Variants in STK36 observed in about 807,000 individuals in gnomAD.
STK36 encodes serine/threonine kinase 36.
Under a neutral mutation model 142.2 loss-of-function variants are expected in STK36, and 116 were observed. The observed-to-expected ratio is 0.82, with a 90% CI of 0.70 to 0.95. STK36 has a LOEUF of 0.95. Ranked by LOEUF, STK36 falls within the 40% of genes least tolerant of loss-of-function variation. The probability of loss-of-function intolerance (pLI) is 0.00; values close to 1 mark genes in which losing one functional copy is unlikely to be tolerated. For synonymous variants in STK36, 619 were observed against 641.7 expected (o/e 0.96, Z 0.53); for missense variants, 1,422 against 1,617.2 (o/e 0.88, Z 2.07).
chr2:218,688,566 A>T (rs1004005315), intron 11 of STK36, 131 bp from the exon 12 acceptor site: 12 of 1,007,384 alleles, frequency 1.2e-5, no homozygotes, highest in Non-Finnish European at 1.8e-5. Flanking sequence ...TCTGTGTTTT[A>T]GACTTGCAAA....
At chr2:218,685,561 T>A (rs893564719) in intron 11 of STK36, among the ~76,000 whole-genome samples, 7 of 152,340 alleles carry the variant, frequency 4.6e-5, no homozygotes, top group African/African-American at 1.7e-4. Flanking sequence ...TAATTTTTTA[T>A]TGATGAAATT....
In STK36 at chr2:218,697,988, C is replaced by T. The variant is rs1397910290; in HGVS notation, c.3044C>T (p.Ala1015Val). The change falls in exon 25 of 27, where the codon GCC becomes GTC. Residue 1015 changes from alanine (A) to valine (V), a missense_variant. Physicochemically the swap from Ala to Val is moderately conservative, Grantham distance 64 (BLOSUM62 0). This residue lies in a region of STK36 where 962 missense variants were observed against 1,167.5 expected (regional missense o/e 0.82). Transcript: ENST00000295709. The part of the protein sequence containing the change: ...LADLRDSEVA[A>V]HLLQVCCYHL... The stretch of plus-strand genomic sequence containing the variant: ...GACCTCAGGGACTCAGAAGTTGCAG[C>T]CCATCTGCTGCAGGTACTTGGGCAG... 1 of 1,614,028 alleles carries T rather than the reference C, an allele frequency of 6.2e-7. No individual in the cohort carries two copies. Among genetic ancestry groups the T allele is most frequent in the Non-Finnish European group, 8.5e-7 (1 of 1,180,040 alleles).
At chr2:218,674,106 G>A (rs1940124432) in intron 4 of STK36, 150 bp downstream of exon 4, 1 of 749,726 alleles carries the variant, frequency 1.3e-6, no homozygotes, top group African/African-American at 1.8e-5. Flanking sequence ...GTGTAGTGTG[G>A]GAGTAAATTA....
In STK36 at chr2:218,688,739, G is replaced by A. The variant is rs1940877656; in HGVS notation, c.1423G>A (p.Ala475Thr). Reference sequence around the variant, plus strand: ...GGAGGGTGCTTCCCACATCCTGCCTGCATTCCGGGTCCTGAGCAGTCTTCT... The same window carrying A: ...GGAGGGTGCTTCCCACATCCTGCCTACATTCCGGGTCCTGAGCAGTCTTCT... ...ILEGASHILP[A>T]FRVLSSLLSS... The change falls in exon 12 of 27, where the codon GCA becomes ACA. Residue 475 changes from alanine to threonine, a missense_variant. Coordinates refer to ENST00000295709, the MANE Select transcript of STK36 (RefSeq NM_015690.5). The A allele has an allele frequency of 1.2e-6, 2 of 1,613,828 alleles. No individual in the cohort carries two copies. Among genetic ancestry groups the A allele is most frequent in the African/African-American group, 1.3e-5 (1 of 74,892 alleles).
chr2:218,680,383 T>C (rs1462194002), intron 9 of STK36, among the ~76,000 whole-genome samples: 1 of 152,204 alleles, frequency 6.6e-6, no homozygotes, highest in Non-Finnish European at 1.5e-5. Context: ...AACTGCAAAG[T>C]AGAATAAGCT....
intron 14 of STK36, among the ~76,000 whole-genome samples, 154 bp from the exon 15 acceptor site, chr2:218,691,989 C>G (rs1275131088): frequency 3.9e-5 from 6 of 152,214 alleles, no homozygotes; most frequent in Admixed American, 3.9e-4. Context: ...GAAAGCAGTT[C>G]TAATGCATTT....
chr2:218,699,132 T>A lies in STK36; in HGVS notation c.3588T>A (p.Ser1196Arg), dbSNP rs568120264. 4.0e-5 allele frequency: 65 copies of A among 1,613,994 alleles called. No homozygotes were observed. The highest frequency in any genetic ancestry group is 5.2e-5 in the Non-Finnish European group (61 of 1,180,022). Residue 1196 changes from serine to arginine, a missense_variant, in exon 26 of 27, where the codon AGT (serine) becomes AGA (arginine). By Grantham distance (110) the Ser-to-Arg change is moderately radical. Around this residue, in one of 2 missense-constraint regions of STK36, gnomAD observed 962 missense variants for 1,167.5 expected, o/e 0.82. Transcript: ENST00000295709. ...LGPALAAAVP[S>R]MTQLLGDPQA... ...CTGCCCTGGCAGCTGCAGTGCCCAGTATGACCCAGCTGCTTGGAGATCCTC... is the reference window on the plus strand; with the variant it reads ...CTGCCCTGGCAGCTGCAGTGCCCAGAATGACCCAGCTGCTTGGAGATCCTC...
Position 218,679,211 on chromosome 2 carries a change from T to G in STK36, c.728T>G (p.Leu243Arg). Residue 243 changes from leucine (L) to arginine (R), a missense_variant, in exon 7 of 27, where the codon CTG (leucine) becomes CGG (arginine). Leu to Arg is a moderately radical substitution (Grantham distance 102). This residue lies in a region of STK36 where 460 missense variants were observed against 449.6 expected (regional missense o/e 1.02). Coordinates refer to ENST00000295709, the MANE Select transcript of STK36 (RefSeq NM_015690.5). ...CTCACCAAAGACCCACGGCAGCGACTGTCCTGGCCAGACCTCTTATATCAC... is the reference window on the plus strand; with the variant it reads ...CTCACCAAAGACCCACGGCAGCGACGGTCCTGGCCAGACCTCTTATATCAC... ...GLLTKDPRQR[L>R]SWPDLLYHPF... The G allele has an allele frequency of 1.2e-6, 2 of 1,614,222 alleles. No homozygotes were observed. Among genetic ancestry groups the G allele is most frequent in the Non-Finnish European group, 8.5e-7 (1 of 1,180,026 alleles).
chr2:218,673,225 C>T (rs1487974188), intron 2 of STK36: 2 of 384,368 alleles, frequency 5.2e-6, no homozygotes, highest in East Asian at 4.8e-5. Context: ...CACATTAAAT[C>T]ACTTAGTACA....
At chr2:218,686,838 C>A (rs1940799364) in intron 11 of STK36, among the ~76,000 whole-genome samples, 1 of 152,196 alleles carries the variant, frequency 6.6e-6, no homozygotes, top group African/African-American at 2.4e-5. Context: ...TAAGAAACTG[C>A]TGAACTATTT....
rs1439440901 is a variant in STK36 at position 218,689,911 on chromosome 2, A to G, written c.1613A>G (p.Tyr538Cys). ...GACCTGATGGCTGTGATTCAGGCCTACTTTGCCTGTACCTTCAATCTGGAG... is the reference window on the plus strand; with the variant it reads ...GACCTGATGGCTGTGATTCAGGCCTGCTTTGCCTGTACCTTCAATCTGGAG... ...LQDLMAVIQA[Y>C]FACTFNLERS... Residue 538 changes from tyrosine (Y) to cysteine (C), a missense_variant, in exon 13 of 27, where the codon TAC becomes TGC. Tyr to Cys is a radical substitution (Grantham distance 194, BLOSUM62 -2). This residue lies in a region of STK36 where 962 missense variants were observed against 1,167.5 expected (regional missense o/e 0.82). Coordinates refer to ENST00000295709, the MANE Select transcript of STK36 (RefSeq NM_015690.5). The G allele has an allele frequency of 1.2e-6, 2 of 1,606,908 alleles. No homozygotes were observed. The highest frequency in any genetic ancestry group is 1.7e-6 in the Non-Finnish European group (2 of 1,176,384).
chr2:218,675,359 C>T lies in STK36; in HGVS notation c.320C>T (p.Ala107Val), dbSNP rs1392708109. 6.2e-7 allele frequency: 1 copy of T among 1,612,952 alleles called. No homozygotes were observed. The highest frequency in any genetic ancestry group is 8.5e-7 in the Non-Finnish European group (1 of 1,179,624). ...AATTTCTAGGTTCAGGCCATTGCTGCCCAGTTGGTGTCAGCCCTGTACTAT... is the reference window on the plus strand; with the variant it reads ...AATTTCTAGGTTCAGGCCATTGCTGTCCAGTTGGTGTCAGCCCTGTACTAT... Reference protein sequence around the residue: ...LPEDQVQAIAAQLVSALYYLH... With the variant: ...LPEDQVQAIAVQLVSALYYLH... The change falls in exon 5 of 27, where the codon GCC (alanine) becomes GTC (valine). Residue 107 changes from alanine (A) to valine (V), a missense_variant. Coordinates refer to ENST00000295709, the MANE Select transcript of STK36 (RefSeq NM_015690.5).
intron 11 of STK36, among the ~76,000 whole-genome samples, chr2:218,687,974 A>G (rs1397420331): frequency 6.6e-6 from 1 of 152,210 alleles, no homozygotes; most frequent in Non-Finnish European, 1.5e-5. Context: ...CCTGGCCAAC[A>G]TGGTGAAATC....
chr2:218,700,637 G>A (rs1294171650), intron 26 of STK36, among the ~76,000 whole-genome samples: 2 of 151,068 alleles, frequency 1.3e-5, no homozygotes, highest in Non-Finnish European at 3.0e-5. Flanking sequence ...CTGACCTCAA[G>A]TGATCCACCC....
Position 218,683,205 on chromosome 2 carries a change from G to A in STK36, c.1237-1880G>A, listed in dbSNP as rs75442023. Among the ~76,000 whole-genome samples, 28 of 152,080 alleles carry A rather than the reference G, an allele frequency of 1.8e-4. No homozygotes were observed. The East Asian group carries it at 5.2e-3, about 28-fold the overall frequency. On this transcript the variant is annotated intron_variant, in intron 10 of 26. Coordinates refer to ENST00000295709, the MANE Select transcript of STK36 (RefSeq NM_015690.5). ...GCTCACTGCAGCCTTGAACTCATGG[G>A]GTAAGCAATTCTTTCATCTCAGCCT...
At chr2:218,691,581 A>T (rs1463220967) in intron 14 of STK36, among the ~76,000 whole-genome samples, 1 of 151,694 alleles carries the variant, frequency 6.6e-6, no homozygotes, top group Non-Finnish European at 1.5e-5. Flanking sequence ...TTTTGGAGAC[A>T]GGGTCTCTCT....
At chr2:218,683,868 AATG>A (rs1940648099) in intron 10 of STK36, among the ~76,000 whole-genome samples, 1 of 151,550 alleles carries the variant, frequency 6.6e-6, no homozygotes, top group African/African-American at 2.4e-5. Flanking sequence ...GTTTACTGAG[AATG>A]ATGATTTCCA....
At chr2:218,675,767 G>T (rs1940214131) in intron 5 of STK36, among the ~76,000 whole-genome samples, 1 of 151,814 alleles carries the variant, frequency 6.6e-6, no homozygotes, top group African/African-American at 2.4e-5. Context: ...CAGGTGATCT[G>T]CCCACCTCGG....
chr2:218,696,777 C>T, intron 22 of STK36, 176 bp downstream of exon 22: 2 of 908,062 alleles, frequency 2.2e-6, no homozygotes, highest in Non-Finnish European at 3.7e-6. Context: ...TTGAAGGAAA[C>T]CATTCGCTGC....
Sources: gnomAD v4.1 joint callset for allele counts (sites outside exome capture counted in the v4.1 genomes callset) on GRCh38, gnomAD v4.1.1 for gene constraint, gnomAD v4.1.1 regional missense constraint, MANE v1.5 for transcripts, NCBI Gene and HGNC (gene_info 2026-07-23, HGNC 2026-07-21) for gene names.